The following SPANXN4 variants were observed in gnomAD, a reference collection of about 807,000 sequenced individuals.
The protein encoded by SPANXN4 is sperm protein associated with the nucleus on the X chromosome N4.
SPANXN4 carries 5 observed loss-of-function variants against 6.0 expected under a neutral mutation model. The ratio of observed to expected loss-of-function variants is 0.83; its 90% CI spans 0.44 to 1.75. SPANXN4 has a LOEUF of 1.75. Among genes scored for constraint, SPANXN4 ranks in the 40% most tolerant of loss-of-function variants. SPANXN4 has a pLI of 0.02. For synonymous variants in SPANXN4, 45 were observed against 38.0 expected (o/e 1.19, Z -0.68); for missense variants, 157 against 108.6 (o/e 1.45, Z -1.98).
chrX:143,026,466 G>A (rs983050000), intron 1 of SPANXN4, among the ~76,000 whole-genome samples: 8 of 111,314 alleles, frequency 7.2e-5, no homozygotes, highest in African/African-American at 2.6e-4. Context: ...TTTTTCTCAC[G>A]GCCAGAACTC....
intron 1 of SPANXN4, among the ~76,000 whole-genome samples, chrX:143,029,208 G>A (rs1364590976): frequency 9.0e-6 from 1 of 111,482 alleles, no homozygotes; most frequent in Non-Finnish European, 1.9e-5. Flanking sequence ...ATGGTGGCCT[G>A]CGGTGGTAGG....
chrX:143,033,941 C>T, intron 1 of SPANXN4, 84 bp from the exon 2 acceptor site: 2 of 895,388 alleles, frequency 2.2e-6, no homozygotes, highest in Non-Finnish European at 3.1e-6. Flanking sequence ...TGCATTCCTT[C>T]TTATAAAGCC....
At chrX:143,031,267 G>A (rs1932808304) in intron 1 of SPANXN4, among the ~76,000 whole-genome samples, 2 of 110,824 alleles carry the variant, frequency 1.8e-5, no homozygotes, top group African/African-American at 6.6e-5. Context: ...TGACTTTCAC[G>A]ATAGAGACAG....
intron 1 of SPANXN4, among the ~76,000 whole-genome samples, chrX:143,027,626 G>A (rs1482942418): frequency 1.8e-5 from 2 of 111,623 alleles, no homozygotes; most frequent in East Asian, 5.6e-4. Flanking sequence ...TGGCCAAGTA[G>A]GTGAGATGCA....
At chrX:143,028,253 G>C (rs1410770337) in intron 1 of SPANXN4, among the ~76,000 whole-genome samples, 1 of 110,677 alleles carries the variant, frequency 9.0e-6, no homozygotes, top group Non-Finnish European at 1.9e-5. Flanking sequence ...TTGGAGAGGG[G>C]AGGAGGAGGA....
chrX:143,036,846 C>T (rs1008555038), downstream of SPANXN4, among the ~76,000 whole-genome samples: 5 of 111,413 alleles, frequency 4.5e-5, no homozygotes, highest in African/African-American at 1.3e-4. Context: ...ATCTGTACCT[C>T]GATTTGGGGA....
chrX:143,037,230 T>A (rs1932848176), downstream of SPANXN4, among the ~76,000 whole-genome samples: 1 of 111,119 alleles, frequency 9.0e-6, no homozygotes, highest in African/African-American at 3.3e-5. Flanking sequence ...ATGACTAAGT[T>A]CATATAGAAA....
At chrX:143,034,899 A>C (rs907591411), downstream of SPANXN4, among the ~76,000 whole-genome samples, 1 of 110,123 alleles carries the variant, frequency 9.1e-6, no homozygotes, top group African/African-American at 3.3e-5. Context: ...CATTGTCTAC[A>C]GGGAATTTTA....
At chrX:143,036,331 CGAATCTCACAGATCCTCACACA>C (rs1369078173), downstream of SPANXN4, among the ~76,000 whole-genome samples, 1 of 110,708 alleles carries the variant, frequency 9.0e-6, no homozygotes, top group Non-Finnish European at 1.9e-5. Flanking sequence ...ATCCTCACAC[CGAATCTCACAGATCCTCACACA>C]GAATTGGGGA....
At chrX:143,034,549 A>C (rs1479070934) in exon 3 of SPANXN4, 8 of 1,159,456 alleles carry the variant, frequency 6.9e-6, no homozygotes, top group Admixed American at 2.7e-5. Context: ...GAGCACGTGC[A>C]TGTTTAGAAG....
At chrX:143,033,794 C>T (rs1932825816) in intron 1 of SPANXN4, among the ~76,000 whole-genome samples, 1 of 111,546 alleles carries the variant, frequency 9.0e-6, no homozygotes, top group Non-Finnish European at 1.9e-5. Context: ...CCGAGGTCTG[C>T]ATAATAGCAG....
chrX:143,031,788 GT>G (rs59940074), intron 1 of SPANXN4, among the ~76,000 whole-genome samples: 42,052 of 110,574 alleles, frequency 0.38, 6,831 homozygotes, highest in Non-Finnish European at 0.52. Context: ...CCATCCTCCA[GT>G]TTTTTTAAGT....
chrX:143,036,897 A>G (rs1213968808), downstream of SPANXN4, among the ~76,000 whole-genome samples: 1 of 111,297 alleles, frequency 9.0e-6, no homozygotes, highest in African/African-American at 3.3e-5. Context: ...TTTCAATGCT[A>G]GGGTGCTCCA....
intron 1 of SPANXN4, among the ~76,000 whole-genome samples, chrX:143,033,651 G>A (rs1381506544): frequency 1.8e-5 from 2 of 111,373 alleles, no homozygotes; most frequent in African/African-American, 6.5e-5. Flanking sequence ...ATGTCATTGT[G>A]GTGTTTCTTG....
intron 1 of SPANXN4, among the ~76,000 whole-genome samples, chrX:143,030,321 GCTAT>G (rs1345672907): frequency 1.8e-5 from 2 of 111,351 alleles, no homozygotes; most frequent in African/African-American, 3.3e-5. Flanking sequence ...CTGGGTTTGG[GCTAT>G]CTGAGCTTTT....
chrX:143,034,604 C>G, exon 3 of SPANXN4: 1 of 1,165,982 alleles, frequency 8.6e-7, no homozygotes, highest in African/African-American at 1.8e-5. Context: ...CAGTGACACT[C>G]TTTCCAAAAT....
chrX:143,027,717 T>G (rs754565924), intron 1 of SPANXN4, among the ~76,000 whole-genome samples: 1 of 110,610 alleles, frequency 9.0e-6, no homozygotes, highest in East Asian at 2.9e-4. Context: ...CAAACAAATT[T>G]AACAGTTGGA....
downstream of SPANXN4, among the ~76,000 whole-genome samples, chrX:143,037,195 A>T (rs1317169082): frequency 9.0e-6 from 1 of 111,126 alleles, no homozygotes; most frequent in Admixed American, 9.7e-5. Context: ...CTTCAAAAAA[A>T]CCGAGGTAAA....
At chrX:143,028,518 G>A (rs1932790793) in intron 1 of SPANXN4, among the ~76,000 whole-genome samples, 1 of 111,289 alleles carries the variant, frequency 9.0e-6, no homozygotes, top group African/African-American at 3.3e-5. Flanking sequence ...AATGTTTAGA[G>A]CCTTTGCCAG....
Sources: gnomAD v4.1 joint callset for allele counts (sites outside exome capture counted in the v4.1 genomes callset) on GRCh38, gnomAD v4.1.1 for gene constraint, MANE v1.5 for transcripts, NCBI Gene and HGNC (gene_info 2026-07-23, HGNC 2026-07-21) for gene names.